Variants in NRXN3 observed in about 807,000 individuals in gnomAD.
NRXN3 encodes neurexin III.
Under a neutral mutation model 137.6 loss-of-function variants are expected in NRXN3, and 32 were observed. That is an observed-to-expected ratio of 0.23 (90% CI 0.18 to 0.31). NRXN3 has a LOEUF of 0.31. Ranked by LOEUF, NRXN3 falls within the 10% of genes least tolerant of loss-of-function variation. The probability of loss-of-function intolerance (pLI) is 1.00; values close to 1 mark genes in which losing one functional copy is unlikely to be tolerated. For synonymous variants in NRXN3, 798 were observed against 784.5 expected (o/e 1.02, Z -0.29); for missense variants, 1,574 against 2,062.5 (o/e 0.76, Z 4.59).
intron 4 of NRXN3, among the ~76,000 whole-genome samples, chr14:78,299,958 C>T (rs1002720203): frequency 9.2e-5 from 14 of 152,280 alleles, no homozygotes; most frequent in African/African-American, 3.4e-4. Flanking sequence ...TTAAGACAGT[C>T]CTTTGACTGC....
At chr14:78,741,813 T>A (rs1404200764) in intron 8 of NRXN3, among the ~76,000 whole-genome samples, 2 of 152,158 alleles carry the variant, frequency 1.3e-5, no homozygotes, top group Non-Finnish European at 2.9e-5. Flanking sequence ...TGGACTCAGC[T>A]TTTTTTCTGA....
chr14:79,781,566 T>C (rs1347506757), intron 19 of NRXN3, among the ~76,000 whole-genome samples: 1 of 152,244 alleles, frequency 6.6e-6, no homozygotes, highest in Non-Finnish European at 1.5e-5. Flanking sequence ...TCTGAGCTAC[T>C]GTCTTATAAC....
At chr14:79,529,196 C>T (rs1191447676) in intron 16 of NRXN3, among the ~76,000 whole-genome samples, 3 of 152,116 alleles carry the variant, frequency 2.0e-5, no homozygotes, top group East Asian at 1.9e-4. Flanking sequence ...AAAGATTTCA[C>T]GTGAAAGGGT....
chr14:78,571,686 C>T (rs1446404423), intron 4 of NRXN3, among the ~76,000 whole-genome samples: 3 of 152,096 alleles, frequency 2.0e-5, no homozygotes, highest in Non-Finnish European at 1.5e-5. Flanking sequence ...ATCTCACATG[C>T]TTTTACCTAC....
chr14:78,458,882 G>C (rs371971994), intron 4 of NRXN3, among the ~76,000 whole-genome samples: 1 of 152,136 alleles, frequency 6.6e-6, no homozygotes, highest in African/African-American at 2.4e-5. Flanking sequence ...GAAATATGGC[G>C]CAGGTGAACA....
At chr14:79,779,857 T>G (rs2099108427) in intron 19 of NRXN3, among the ~76,000 whole-genome samples, 1 of 152,126 alleles carries the variant, frequency 6.6e-6, no homozygotes, top group South Asian at 2.1e-4. Context: ...CAGTTGAGGC[T>G]CCTCTGTAAT....
At chr14:78,257,958 G>C (rs990202532) in intron 2 of NRXN3, among the ~76,000 whole-genome samples, 1 of 152,138 alleles carries the variant, frequency 6.6e-6, no homozygotes, top group African/African-American at 2.4e-5. Context: ...AAGAAGGGCT[G>C]ATTGCAGAGA....
chr14:78,332,777 A>G (rs1419489694), intron 4 of NRXN3, among the ~76,000 whole-genome samples: 2 of 152,176 alleles, frequency 1.3e-5, no homozygotes, highest in Admixed American at 6.5e-5. Context: ...TCGATATCTA[A>G]TGATAGAATT....
intron 4 of NRXN3, among the ~76,000 whole-genome samples, chr14:78,631,695 C>T (rs1271604621): frequency 6.6e-6 from 1 of 152,174 alleles, no homozygotes; most frequent in African/African-American, 2.4e-5. Context: ...CTTGCACAAT[C>T]CCTGAGCATA....
chr14:78,375,860 C>T (rs572020679), intron 4 of NRXN3, among the ~76,000 whole-genome samples: 2 of 152,210 alleles, frequency 1.3e-5, no homozygotes, highest in African/African-American at 4.8e-5. Flanking sequence ...GATGATGTGA[C>T]AATTTATAAT....
intron 10 of NRXN3, among the ~76,000 whole-genome samples, chr14:78,828,068 G>A (rs946196726): frequency 6.6e-6 from 1 of 152,152 alleles, no homozygotes; most frequent in African/African-American, 2.4e-5. Context: ...CCTGCAGGCA[G>A]CAACTGTTTA....
At chr14:78,718,717 T>C (rs2098445859) in intron 8 of NRXN3, among the ~76,000 whole-genome samples, 1 of 152,230 alleles carries the variant, frequency 6.6e-6, no homozygotes, top group South Asian at 2.1e-4. Flanking sequence ...TAGATTTTTT[T>C]CAGCATAATC....
chr14:79,777,005 C>T (rs2099099184), intron 19 of NRXN3, among the ~76,000 whole-genome samples: 1 of 152,146 alleles, frequency 6.6e-6, no homozygotes. Context: ...CCCTCTCTTT[C>T]CCTTCCCACA....
chr14:79,565,115 T>C (rs2097534315), intron 16 of NRXN3, among the ~76,000 whole-genome samples: 1 of 151,964 alleles, frequency 6.6e-6, no homozygotes, highest in African/African-American at 2.4e-5. Context: ...TGAAATTTTA[T>C]AGCATTTATA....
At chr14:79,760,520 G>A (rs2099034929) in intron 19 of NRXN3, 1 of 148,854 alleles carries the variant, frequency 6.7e-6, no homozygotes, top group African/African-American at 2.5e-5. Context: ...GAAGAAAAAA[G>A]TGGAAGAGAA....
chr14:78,609,238 G>T (rs1661337572), intron 4 of NRXN3, among the ~76,000 whole-genome samples: 2 of 151,954 alleles, frequency 1.3e-5, no homozygotes, highest in Non-Finnish European at 2.9e-5. Context: ...TTTGGAGGAG[G>T]AAGTAGTTAA....
intron 15 of NRXN3, among the ~76,000 whole-genome samples, chr14:79,087,374 G>A (rs548143015): frequency 6.6e-6 from 1 of 152,192 alleles, no homozygotes; most frequent in Non-Finnish European, 1.5e-5. Flanking sequence ...TGCCATCCCC[G>A]GTGGAGTCAA....
chr14:78,371,810 T>G (rs1445243278), intron 4 of NRXN3, among the ~76,000 whole-genome samples: 1 of 152,250 alleles, frequency 6.6e-6, no homozygotes, highest in Non-Finnish European at 1.5e-5. Context: ...AAGGGAACTA[T>G]TCTGTCTCAT....
In NRXN3 at chr14:79,862,513, T is replaced by A. The variant is rs886126771; in HGVS notation, c.*549T>A. ...CAAAAAAAAAAACCCACAACCCTTA[T>A]CTGGTTCTGACCAGTGTGCGTGTAA... On this transcript the variant is annotated 3_prime_UTR_variant, in exon 21 of 21. Coordinates refer to ENST00000335750, the MANE Select transcript of NRXN3 (RefSeq NM_001330195.2). 1 of 152,088 alleles carries A rather than the reference T, an allele frequency of 6.6e-6. No individual in the cohort carries two copies. The highest frequency in any genetic ancestry group is 2.4e-5 in the African/African-American group (1 of 41,328). 9.4% of individuals were successfully genotyped at this position (152,088 alleles called of 1,614,324 possible). A position where few individuals can be genotyped will look rare whatever the true frequency, so the allele number is the denominator to read the frequency against.
Sources: allele counts gnomAD v4.1 joint callset (sites outside exome capture counted in the v4.1 genomes callset), GRCh38; gene constraint gnomAD v4.1.1; transcripts MANE v1.5; gene names NCBI Gene and HGNC (gene_info 2026-07-23, HGNC 2026-07-21).